The following PHF6 variants were observed in gnomAD, a reference collection of about 807,000 sequenced individuals.
PHF6 encodes PHD-like zinc finger protein.
In PHF6, 7 loss-of-function variants were observed where a neutral mutation model predicts 34.0. The ratio of observed to expected loss-of-function variants is 0.21; its 90% CI spans 0.12 to 0.39. The LOEUF (loss-of-function observed/expected upper bound fraction) is 0.39, where lower values mean the gene tolerates loss of function less well. Ranked by LOEUF, PHF6 falls within the 10% of genes least tolerant of loss-of-function variation. The pLI is 1.00. For synonymous variants in PHF6, 89 were observed against 88.4 expected (o/e 1.01, Z -0.04); for missense variants, 128 against 262.8 (o/e 0.49, Z 3.55).
chrX:134,389,035 A>G (rs895997362), intron 3 of PHF6, among the ~76,000 whole-genome samples: 1 of 111,949 alleles, frequency 8.9e-6, no homozygotes, highest in African/African-American at 3.2e-5. Context: ...CTGTAATAAG[A>G]CAGGACCTCT....
chrX:134,392,862 C>T (rs957715775), intron 3 of PHF6, among the ~76,000 whole-genome samples: 4 of 109,350 alleles, frequency 3.7e-5, no homozygotes, highest in Non-Finnish European at 5.7e-5. Context: ...TGCAGTGGCA[C>T]GATCTTGGCT....
intron 5 of PHF6, among the ~76,000 whole-genome samples, chrX:134,410,038 C>T (rs1000075359): frequency 2.4e-4 from 27 of 111,881 alleles, no homozygotes; most frequent in Non-Finnish European, 3.9e-4. Flanking sequence ...TCCAGTCCAC[C>T]GTTGACGCAC....
At chrX:134,399,792 A>G (rs188430925) in intron 5 of PHF6, among the ~76,000 whole-genome samples, 1 of 110,866 alleles carries the variant, frequency 9.0e-6, no homozygotes, top group Admixed American at 9.6e-5. Flanking sequence ...ATTATCACCC[A>G]AAGTCCATAG....
intron 5 of PHF6, among the ~76,000 whole-genome samples, chrX:134,411,527 ATTG>A (rs1440436942): frequency 2.7e-5 from 3 of 110,036 alleles, no homozygotes; most frequent in Non-Finnish European, 5.7e-5. Flanking sequence ...TTATTTGTTT[ATTG>A]TTATTTATTA....
chrX:134,409,422 A>G (rs1439424521), intron 5 of PHF6, among the ~76,000 whole-genome samples: 1 of 110,956 alleles, frequency 9.0e-6, no homozygotes, highest in East Asian at 2.8e-4. Context: ...GTATATTTTG[A>G]TATCTTCTTT....
chrX:134,414,148 C>T (rs1243702673), intron 7 of PHF6, among the ~76,000 whole-genome samples, 182 bp downstream of exon 7: 1 of 110,909 alleles, frequency 9.0e-6, no homozygotes, highest in African/African-American at 3.3e-5. Flanking sequence ...AATCCCAAAT[C>T]TTAAGTTTAG....
chrX:134,410,145 A>G (rs1368457973), intron 5 of PHF6, among the ~76,000 whole-genome samples: 1 of 111,633 alleles, frequency 9.0e-6, no homozygotes, highest in Non-Finnish European at 1.9e-5. Flanking sequence ...TTTCCTTTTG[A>G]ATATATACCC....
intron 5 of PHF6, among the ~76,000 whole-genome samples, chrX:134,399,997 T>C (rs754811012): frequency 8.9e-6 from 1 of 112,108 alleles, no homozygotes; most frequent in Admixed American, 9.5e-5. Context: ...CTCCATAGCT[T>C]TGCCTTTTCC....
chrX:134,409,578 C>T (rs938342671), intron 5 of PHF6, among the ~76,000 whole-genome samples: 12 of 110,572 alleles, frequency 1.1e-4, no homozygotes, highest in African/African-American at 3.9e-4. Flanking sequence ...CATTCAGAAA[C>T]ATAGTCTATC....
In PHF6 at chrX:134,384,301, G is replaced by A. The variant is rs747199631; in HGVS notation, c.240+6195G>A. On this transcript the variant is annotated intron_variant, in intron 3 of 10. Transcript: ENST00000370803. ...GAGACCCATTCCAGTTGAGTAAGGT[G>A]GGATGATTGCAGGGTCTTCCAACAT... Among the ~76,000 whole-genome samples the A allele has an allele frequency of 4.5e-5, 5 of 111,526 alleles. 1 individual carries two copies. Among genetic ancestry groups the A allele is most frequent in the Middle Eastern group, 8.4e-3 (2 of 238 alleles).
chrX:134,387,098 T>C (rs1007004107), intron 3 of PHF6, among the ~76,000 whole-genome samples: 2 of 111,160 alleles, frequency 1.8e-5, no homozygotes, highest in Non-Finnish European at 3.8e-5. Flanking sequence ...GCTCCAGTTA[T>C]GGCATGCAGA....
intron 9 of PHF6, among the ~76,000 whole-genome samples, chrX:134,421,612 A>C (rs1372591819): frequency 9.0e-6 from 1 of 110,819 alleles, no homozygotes; most frequent in Non-Finnish European, 1.9e-5. Context: ...TTCCATTTTC[A>C]TTTTGGAAGA....
chrX:134,391,840 T>G lies in PHF6; in HGVS notation c.241-1661T>G, dbSNP rs774425332. Among the ~76,000 whole-genome samples, 9 of 111,865 alleles carry G rather than the reference T, an allele frequency of 8.0e-5. No homozygotes were observed. In the South Asian group the frequency reaches 3.3e-3, roughly 41 times the overall value. Reference sequence around the variant, plus strand: ...TTTGTTTTCCAGAATTTCTTTAATATAATAGAACTTTGTAATTAAGCTACA... The same window carrying G: ...TTTGTTTTCCAGAATTTCTTTAATAGAATAGAACTTTGTAATTAAGCTACA... On this transcript the variant is annotated intron_variant, in intron 3 of 10. Coordinates refer to ENST00000370803, the MANE Select transcript of PHF6 (RefSeq NM_001015877.2).
intron 3 of PHF6, 121 bp downstream of exon 3, chrX:134,378,227 T>A: frequency 4.1e-6 from 1 of 243,894 alleles, no homozygotes; most frequent in Non-Finnish European, 7.0e-6. Flanking sequence ...CAGGCTTTTC[T>A]TTTTTTTTTT....
rs183507208 is a variant in PHF6 at position 134,426,066 on chromosome X, G to A, written c.*406G>A. ...TCCTTTACAATGCAAACATGCCACTGGTGGCAGCACATGGTAATTTGTGGA... is the reference window on the plus strand; with the variant it reads ...TCCTTTACAATGCAAACATGCCACTAGTGGCAGCACATGGTAATTTGTGGA... On this transcript the variant is annotated 3_prime_UTR_variant, in exon 11 of 11. Coordinates refer to ENST00000370803, the MANE Select transcript of PHF6 (RefSeq NM_001015877.2). The A allele has an allele frequency of 2.1e-4, 32 of 154,375 alleles. No individual in the cohort carries two copies. In the East Asian group the frequency reaches 3.0e-3, roughly 14 times the overall value. 12.7% of individuals were successfully genotyped at this position (154,375 alleles called of 1,213,427 possible).
At chrX:134,399,686 G>GACAC (rs749494093) in intron 5 of PHF6, among the ~76,000 whole-genome samples, 21 of 95,530 alleles carry the variant, frequency 2.2e-4, no homozygotes, top group East Asian at 2.2e-3. Flanking sequence ...CACACACACA[G>GACAC]ACACACACAC....
chrX:134,413,768 C>T (rs2077460923), intron 6 of PHF6, 55 bp from the exon 7 acceptor site: 8 of 1,198,387 alleles, frequency 6.7e-6, no homozygotes, highest in East Asian at 5.9e-5. Context: ...CTTGAAATAC[C>T]GATAGCATAT....
At chrX:134,378,562 G>A (rs2077289264) in intron 3 of PHF6, among the ~76,000 whole-genome samples, 1 of 112,297 alleles carries the variant, frequency 8.9e-6, no homozygotes, top group African/African-American at 3.2e-5. Flanking sequence ...TAGTTCAGCT[G>A]TATAACACAA....
chrX:134,392,098 C>A lies in PHF6; in HGVS notation c.241-1403C>A, dbSNP rs1293411165. Among the ~76,000 whole-genome samples the A allele has an allele frequency of 2.7e-5, 3 of 111,486 alleles. No individual in the cohort carries two copies. In the Admixed American group the frequency reaches 2.9e-4, roughly 11 times the overall value. ...CATATGAATATTTTTTAAATGATAG[C>A]CTGAATGAGAGTTTTAGTGTTTGAC... On this transcript the variant is annotated intron_variant, in intron 3 of 10. Transcript: ENST00000370803.
Sources: allele counts gnomAD v4.1 joint callset (sites outside exome capture counted in the v4.1 genomes callset), GRCh38; gene constraint gnomAD v4.1.1; transcripts MANE v1.5; gene names NCBI Gene and HGNC (gene_info 2026-07-23, HGNC 2026-07-21).